Variants in RBM19 observed in about 807,000 individuals in gnomAD.
RBM19 encodes probable RNA-binding protein 19.
A neutral mutation model predicts 116.8 loss-of-function variants in RBM19; 94 were observed. The observed-to-expected ratio is 0.80, with a 90% confidence interval of 0.68 to 0.95. The LOEUF (loss-of-function observed/expected upper bound fraction) is 0.95. Among genes scored for constraint, RBM19 ranks in the 40% least tolerant of loss-of-function variants. The pLI is 0.00. For synonymous variants in RBM19, 475 were observed against 494.1 expected, an observed-to-expected ratio of 0.96 and a Z score of 0.51; for missense variants, 1,161 against 1,220.7, an observed-to-expected ratio of 0.95 and a Z score of 0.73.
intron 23 of RBM19, among the ~76,000 whole-genome samples, chr12:113,837,278 CGT>C (rs1565965187): frequency 4.0e-5 from 6 of 151,576 alleles, no homozygotes; most frequent in East Asian, 1.9e-4. Flanking sequence ...CACACACACA[CGT>C]GTGCTACTGC....
chr12:113,838,984 C>A (rs1351860382), intron 23 of RBM19, among the ~76,000 whole-genome samples: 2 of 152,240 alleles, frequency 1.3e-5, no homozygotes, highest in East Asian at 1.9e-4. Context: ...TCCTGCCAGG[C>A]CCTGCCGAAT....
intron 23 of RBM19, among the ~76,000 whole-genome samples, chr12:113,836,166 C>G (rs1593461785): frequency 6.6e-6 from 1 of 152,130 alleles, no homozygotes; most frequent in East Asian, 1.9e-4. Context: ...CTTCACCTAC[C>G]ACGGGGCTGC....
At position 113,930,693 on chromosome 12, in the gene RBM19, C is replaced by T. The variant is rs114204288; in HGVS notation, c.2069-3464G>A. Among the ~76,000 whole-genome samples the T allele has an allele frequency of 5.1e-3, 782 of 152,366 alleles. 7 individuals carry two copies. The highest frequency in any genetic ancestry group is 0.018 in the African/African-American group (734 of 41,580). ...AAGGGGTCTGCCTTTCCTCCAGCAG[C>T]GCAGGCTCTGGCTGACCCCGGAGAC... On this transcript the variant is annotated intron_variant, in intron 16 of 23. Transcript: ENST00000261741.
At position 113,950,099 on chromosome 12, in the gene RBM19, G is replaced by T; in HGVS notation, c.1056C>A (p.Cys352Ter). ...NEEEVKQALKCNREYMGGRYI... is the reference protein window; with the variant it reads ...NEEEVKQALK ...CTTCCTTACCCATGTACTCCCGGTTGCATTTCAGAGCTTGCTTCACTTCCT... is the reference window on the plus strand; with the variant it reads ...CTTCCTTACCCATGTACTCCCGGTTTCATTTCAGAGCTTGCTTCACTTCCT... Residue 352 changes from cysteine (C) to a stop codon, truncating the protein, a stop_gained, in exon 9 of 24, where the codon TGC (cysteine) becomes TGA (stop). Transcript: ENST00000261741. LOFTEE classifies it high-confidence loss of function. 6.2e-7 allele frequency: 1 copy of T among 1,608,814 alleles called. No homozygotes were observed. Among genetic ancestry groups the T allele is most frequent in the Non-Finnish European group, 8.5e-7 (1 of 1,175,288 alleles).
At position 113,939,974 on chromosome 12, in the gene RBM19, G is replaced by A; in HGVS notation, c.1924C>T (p.Leu642=). 1 of 1,614,042 alleles carries A rather than the reference G, an allele frequency of 6.2e-7. No individual in the cohort carries two copies. The highest frequency in any genetic ancestry group is 1.3e-5 in the African/African-American group (1 of 75,050). ...PLEARKAFRH[L]AYSKFHHVPL... ...AGCAGCCCTACCTTGGAATAGGCCA[G>A]ATGCCTGAAGGCCTTGCGGGCCTCC... The change falls in exon 15 of 24, where the codon CTG becomes TTG. Residue 642 remains leucine, a synonymous_variant. Coordinates refer to ENST00000261741, the MANE Select transcript of RBM19 (RefSeq NM_016196.4).
chr12:113,896,102 C>A (rs1881306365), intron 21 of RBM19, among the ~76,000 whole-genome samples: 2 of 151,984 alleles, frequency 1.3e-5, no homozygotes, highest in African/African-American at 4.8e-5. Flanking sequence ...TCAAAGATGA[C>A]CACATATTAG....
Position 113,940,095 on chromosome 12 carries a change from G to A in RBM19, c.1803C>T (p.Ala601=), listed in dbSNP as rs140359157. The part of the protein sequence containing the change: ...VKNLPAGTLA[A]QLQETFGHFG... ...AATGGCCGAAGGTCTCCTGCAGCTG[G>A]GCCGCCAGGGTGCCTGCCGGGAGGT... is the stretch of plus-strand genomic sequence containing the variant. The change falls in exon 15 of 24, where the codon GCC becomes GCT. Residue 601 remains alanine, a synonymous_variant. Transcript: ENST00000261741. 8 of 1,613,984 alleles carry A rather than the reference G, an allele frequency of 5.0e-6. No individual in the cohort carries two copies. Among genetic ancestry groups the A allele is most frequent in the African/African-American group, 4.0e-5 (3 of 74,942 alleles).
chr12:113,947,358 C>T lies in RBM19; in HGVS notation c.1383G>A (p.Ser461=), dbSNP rs766303905. Residue 461 remains serine (S), a synonymous_variant, in exon 11 of 24, where the codon TCG becomes TCA. Coordinates refer to ENST00000261741, the MANE Select transcript of RBM19 (RefSeq NM_016196.4). ...MFPEHAVKAY[S]EVDGQVFQGR... is the part of the protein sequence containing the mutation. ...CCTGGAATACCTGCCCGTCCACCTC[C>T]GAGTAGGCCTTCACAGCGTGCTCAG... 70 of 1,603,616 alleles carry T rather than the reference C, an allele frequency of 4.4e-5. No individual in the cohort carries two copies. The highest frequency in any genetic ancestry group is 4.0e-4 in the African/African-American group (30 of 74,762).
intron 16 of RBM19, among the ~76,000 whole-genome samples, chr12:113,935,187 G>A (rs1311070701): frequency 6.6e-6 from 1 of 152,176 alleles, no homozygotes; most frequent in East Asian, 1.9e-4. Flanking sequence ...GCCACCACGT[G>A]TCCCCAGCCT....
chr12:113,893,960 C>T (rs1000576274), intron 21 of RBM19, among the ~76,000 whole-genome samples: 4 of 151,796 alleles, frequency 2.6e-5, no homozygotes, highest in African/African-American at 9.7e-5. Flanking sequence ...TCGGCACACA[C>T]AACAGTCAGA....
chr12:113,942,369 C>A lies in RBM19; in HGVS notation c.1692G>T (p.Arg564=), dbSNP rs140929347. The A allele has an allele frequency of 1.6e-4, 260 of 1,609,254 alleles. No individual in the cohort carries two copies. The highest frequency in any genetic ancestry group is 2.1e-4 in the Non-Finnish European group (251 of 1,179,936). ...LGETQLVQEV[R]RFLIDNGVSL... is the part of the protein sequence containing the mutation. ...TGACCCCGTTGTCTATGAGAAAACG[C>A]CGCACTTCCTGGACGAGCTGGGTTT... The change falls in exon 14 of 24, where the codon CGG becomes CGT. Residue 564 remains arginine, a synonymous_variant. Transcript: ENST00000261741.
At chr12:113,826,211 C>T (rs1874845542) in intron 23 of RBM19, among the ~76,000 whole-genome samples, 1 of 152,198 alleles carries the variant, frequency 6.6e-6, no homozygotes, top group Non-Finnish European at 1.5e-5. Context: ...TTCCTAATCC[C>T]TTTCCTGTCC....
At chr12:113,942,692 C>T (rs370080944) in intron 13 of RBM19, among the ~76,000 whole-genome samples, 20 of 151,728 alleles carry the variant, frequency 1.3e-4, no homozygotes, top group African/African-American at 4.6e-4. Context: ...TCACTGCAGC[C>T]TCAATCTCCC....
chr12:113,843,756 C>T (rs1414887904), intron 23 of RBM19, among the ~76,000 whole-genome samples: 1 of 152,146 alleles, frequency 6.6e-6, no homozygotes, highest in African/African-American at 2.4e-5. Context: ...CAGGGTGGAG[C>T]GATTCTTGGG....
intron 21 of RBM19, among the ~76,000 whole-genome samples, chr12:113,870,825 G>A (rs1296340502): frequency 6.6e-6 from 1 of 152,168 alleles, no homozygotes. Context: ...AGACATCCCA[G>A]GGAGATTTGA....
At position 113,920,699 on chromosome 12, in the gene RBM19, G is replaced by C. The variant is rs1342688881; in HGVS notation, c.2306-9C>G. ...CATGGAAAGGAGCACTCCTGAGAGA[G>C]AGAGGTGGAAATCACACCAGTCGGT... On this transcript the variant is annotated splice_polypyrimidine_tract_variant and intron_variant, in intron 18 of 23. Coordinates refer to ENST00000261741, the MANE Select transcript of RBM19 (RefSeq NM_016196.4). The C allele has an allele frequency of 2.5e-6, 4 of 1,612,596 alleles. No individual in the cohort carries two copies. The Admixed American group carries it at 5.0e-5, about 20-fold the overall frequency.
intron 14 of RBM19, 67 bp downstream of exon 14, chr12:113,942,257 C>T: frequency 7.4e-7 from 1 of 1,357,074 alleles, no homozygotes; most frequent in South Asian, 1.2e-5. Flanking sequence ...ATCTGCATCT[C>T]CCCTGGAAAG....
intron 21 of RBM19, among the ~76,000 whole-genome samples, chr12:113,904,397 C>T (rs1283190147): frequency 2.0e-5 from 3 of 152,290 alleles, no homozygotes; most frequent in East Asian, 3.9e-4. Flanking sequence ...AGTGCAAATA[C>T]GGCTTTGCCA....
At chr12:113,900,276 G>A (rs1881604815) in intron 21 of RBM19, among the ~76,000 whole-genome samples, 1 of 152,194 alleles carries the variant, frequency 6.6e-6, no homozygotes, top group Admixed American at 6.5e-5. Context: ...GGGATTGCTC[G>A]ACCAGTTAGT....
Sources: allele counts gnomAD v4.1 joint callset (sites outside exome capture counted in the v4.1 genomes callset), GRCh38; gene constraint gnomAD v4.1.1; transcripts MANE v1.5; gene names NCBI Gene and HGNC (gene_info 2026-07-23, HGNC 2026-07-21).